ZNF275: variants seen among roughly 807,000 people sequenced by gnomAD.
The protein encoded by ZNF275 is zinc finger protein 275.
In ZNF275, 4 loss-of-function variants were observed where a neutral mutation model predicts 4.3. The observed-to-expected ratio is 0.93, with a 90% confidence interval of 0.46 to 2.13. The LOEUF (loss-of-function observed/expected upper bound fraction) is 2.13, where lower values mean the gene tolerates loss of function less well. ZNF275 is among the 30% of genes most tolerant of loss of function. The pLI is 0.02. For missense variants in ZNF275, 352 were observed against 397.1 expected (o/e 0.89, Z 0.97); for synonymous variants, 173 against 166.9 (o/e 1.04, Z -0.28).
intron 2 of ZNF275, among the ~76,000 whole-genome samples, chrX:153,343,739 C>T (rs782568440): frequency 2.7e-5 from 3 of 111,393 alleles, no homozygotes; most frequent in Non-Finnish European, 5.7e-5. Flanking sequence ...TGGAAAGGGT[C>T]TCTCATTTCC....
chrX:153,347,139 G>A lies in ZNF275; in HGVS notation c.454G>A (p.Val152Ile), dbSNP rs782395664. The change falls in exon 4 of 4, where the codon GTA becomes ATA. Residue 152 changes from valine to isoleucine, a missense_variant. By Grantham distance (29) the Val-to-Ile change is conservative (BLOSUM62 3). Coordinates refer to ENST00000650114, the MANE Select transcript of ZNF275 (RefSeq NM_001367757.1). ...AEFNEHRKSH[V>I]AAEPQPGPSR... ...GTTTAATGAGCACAGGAAAAGCCAC[G>A]TAGCTGCGGAGCCCCAGCCCGGCCC... is the stretch of plus-strand genomic sequence containing the variant. The A allele has an allele frequency of 2.4e-5, 29 of 1,208,291 alleles. No individual in the cohort carries two copies. The South Asian group carries it at 3.9e-4, about 16-fold the overall frequency.
intron 2 of ZNF275, 109 bp from the exon 3 acceptor site, chrX:153,345,411 T>G: frequency 1.9e-6 from 1 of 532,602 alleles, no homozygotes; most frequent in Non-Finnish European, 3.1e-6. Context: ...TAAAGCCTGG[T>G]CTTTGAAGAT....
At chrX:153,346,385 A>G (rs1453709123) in intron 3 of ZNF275, among the ~76,000 whole-genome samples, 24 of 79,464 alleles carry the variant, frequency 3.0e-4, no homozygotes, top group African/African-American at 5.5e-4. Context: ...GAGCTCTTGG[A>G]GTTACAGTTA....
At chrX:153,334,681 C>A (rs908007021) in intron 1 of ZNF275, among the ~76,000 whole-genome samples, 18 of 109,241 alleles carry the variant, frequency 1.6e-4, no homozygotes, top group Non-Finnish European at 3.3e-4. Flanking sequence ...CGCTCAGGGG[C>A]GGAGAGAAAG....
rs1556962060 is a variant in ZNF275 at position 153,349,291 on chromosome X, C to CTGTCAT, written c.*1329_*1334dup. Reference sequence around the variant, plus strand: ...GTACACACTCAGTGAAGGCCATCTGCTGTCATTGTCATTGTCATAGTTATT... The same window carrying CTGTCAT: ...GTACACACTCAGTGAAGGCCATCTGCTGTCATTGTCATTGTCATTGTCATAGTTATT... On this transcript the variant is annotated 3_prime_UTR_variant, in exon 4 of 4. Coordinates refer to ENST00000650114, the MANE Select transcript of ZNF275 (RefSeq NM_001367757.1). 1 of 124,163 alleles carries CTGTCAT rather than the reference C, an allele frequency of 8.1e-6. No individual in the cohort carries two copies. The allele number at this position is 124,163 out of a possible 1,213,427, so 10.2% of individuals were successfully genotyped here. A position where few individuals can be genotyped will look rare whatever the true frequency, so the allele number is the denominator to read the frequency against.
rs368716521 is a variant in ZNF275 at position 153,347,919 on chromosome X, C to T, written c.1234C>T (p.Arg412Cys). 40 of 1,169,184 alleles carry T rather than the reference C, an allele frequency of 3.4e-5. No homozygotes were observed. The highest frequency in any genetic ancestry group is 4.5e-5 in the Non-Finnish European group (39 of 872,885). The stretch of plus-strand genomic sequence containing the variant: ...GCGCTGCGAATGCAGCCAGTGTGGC[C>T]GCGTGTTCAAGAGGCGCTCGGCACT... ...ARRCECSQCG[R>C]VFKRRSALQK... The change falls in exon 4 of 4, where the codon CGC (arginine) becomes TGC (cysteine). Residue 412 changes from arginine to cysteine, a missense_variant. Physicochemically the swap from Arg to Cys is radical, Grantham distance 180 (BLOSUM62 -3). Transcript: ENST00000650114.
Position 153,346,943 on chromosome X carries a change from C to G in ZNF275, c.258C>G (p.Asp86Glu), listed in dbSNP as rs782302396. The G allele has an allele frequency of 4.1e-6, 5 of 1,211,409 alleles. No individual in the cohort carries two copies. In the South Asian group the frequency reaches 8.8e-5, roughly 21 times the overall value. Residue 86 changes from aspartate (D) to glutamate (E), a missense_variant, in exon 4 of 4, where the codon GAC (aspartate) becomes GAG (glutamate). Asp to Glu is a conservative substitution (Grantham distance 45, BLOSUM62 2). Transcript: ENST00000650114. ...AATTCAGACAGCACGGGGACTCTGA[C>G]GGGAAGAGAGGGAGCCCACAGAATC... ...SPEFRQHGDS[D>E]GKRGSPQNLP...
chrX:153,341,639 GA>G (rs1556961061), intron 2 of ZNF275, among the ~76,000 whole-genome samples: 1 of 111,617 alleles, frequency 9.0e-6, no homozygotes, highest in African/African-American at 3.3e-5. Context: ...TGCTGGTGAT[GA>G]ATTCTCTTAG....
chrX:153,348,102 C>T lies in ZNF275; in HGVS notation c.*127C>T. ...AAAAGGTTGAGACCGATTTATACTG[C>T]CACCAGCAATTTATAAGTGTTACGT... On this transcript the variant is annotated 3_prime_UTR_variant, in exon 4 of 4. Coordinates refer to ENST00000650114, the MANE Select transcript of ZNF275 (RefSeq NM_001367757.1). 1.6e-6 allele frequency: 1 copy of T among 638,480 alleles called. No homozygotes were observed. The allele number at this position is 638,480 out of a possible 1,213,427, so 52.6% of individuals were successfully genotyped here. A position where few individuals can be genotyped will look rare whatever the true frequency, so the allele number is the denominator to read the frequency against.
chrX:153,347,347 A>G lies in ZNF275; in HGVS notation c.662A>G (p.Asn221Ser), dbSNP rs1556961731. The G allele has an allele frequency of 1.4e-5, 17 of 1,212,117 alleles. No homozygotes were observed. Among genetic ancestry groups the G allele is most frequent in the Non-Finnish European group, 1.6e-5 (14 of 895,494 alleles). Residue 221 changes from asparagine to serine, a missense_variant, in exon 4 of 4, where the codon AAC (asparagine) becomes AGC (serine). Physicochemically the swap from Asn to Ser is conservative, Grantham distance 46. Transcript: ENST00000650114. ...GAATGCGGGCGGTCGTTCAAAGTCA[A>G]CACCCACCTCTTCCGACATCAGAAA... is the stretch of plus-strand genomic sequence containing the variant. ...CEECGRSFKV[N>S]THLFRHQKLH...
chrX:153,344,700 G>A (rs1046452585), intron 2 of ZNF275: 16 of 374,207 alleles, frequency 4.3e-5, no homozygotes, highest in African/African-American at 2.3e-4. Flanking sequence ...ATGTGGCATG[G>A]TACCTCACCA....
intron 2 of ZNF275, among the ~76,000 whole-genome samples, chrX:153,342,603 A>T (rs2088485983): frequency 8.9e-6 from 1 of 111,856 alleles, no homozygotes; most frequent in Non-Finnish European, 1.9e-5. Flanking sequence ...TGGCTCTAGG[A>T]ATAGATCAGC....
chrX:153,345,063 G>T lies in ZNF275; in HGVS notation c.32-457G>T. On this transcript the variant is annotated intron_variant, in intron 2 of 3. Transcript: ENST00000650114. Reference sequence around the variant, plus strand: ...AATTATGCAAATTGCATGGCCATTTGGTTTGAGTTTATTTGTGAGAAAGGT... The same window carrying T: ...AATTATGCAAATTGCATGGCCATTTTGTTTGAGTTTATTTGTGAGAAAGGT... The T allele has an allele frequency of 2.0e-5, 4 of 201,294 alleles. No individual in the cohort carries two copies. The South Asian group carries it at 2.9e-4, about 15-fold the overall frequency. The allele number at this position is 201,294 out of a possible 1,213,427, so 16.6% of individuals were successfully genotyped here. A position where few individuals can be genotyped will look rare whatever the true frequency, so the allele number is the denominator to read the frequency against.
At chrX:153,334,540 G>T (rs1286677515) in intron 1 of ZNF275, among the ~76,000 whole-genome samples, 2 of 111,378 alleles carry the variant, frequency 1.8e-5, no homozygotes, top group South Asian at 3.8e-4. Context: ...AGCAGGGAAC[G>T]GGTCCCGGAT....
intron 2 of ZNF275, among the ~76,000 whole-genome samples, chrX:153,341,194 T>C (rs1247922933): frequency 8.9e-6 from 1 of 112,765 alleles, no homozygotes; most frequent in Non-Finnish European, 1.9e-5. Flanking sequence ...GTTTAGTCCA[T>C]TTACACTTAC....
In ZNF275 at chrX:153,352,800, G is replaced by C. The variant is rs1204280220; in HGVS notation, c.*4825G>C. On this transcript the variant is annotated 3_prime_UTR_variant, in exon 4 of 4. Coordinates refer to ENST00000650114, the MANE Select transcript of ZNF275 (RefSeq NM_001367757.1). ...ACTTGGCTTCACCCCCTCCTCCTCA[G>C]CCCTCCCCCACCCATTAAATTGTGA... 1 of 110,498 alleles carries C rather than the reference G, an allele frequency of 9.0e-6. No homozygotes were observed. Among genetic ancestry groups the C allele is most frequent in the Non-Finnish European group, 1.9e-5 (1 of 52,855 alleles). 9.1% of individuals were successfully genotyped at this position (110,498 alleles called of 1,213,427 possible).
chrX:153,341,456 GATTA>G (rs1242276531), intron 2 of ZNF275, among the ~76,000 whole-genome samples: 2 of 112,325 alleles, frequency 1.8e-5, no homozygotes, highest in Non-Finnish European at 3.8e-5. Flanking sequence ...TGCTTTAAAT[GATTA>G]ATTGTTTTTT....
chrX:153,340,706 A>T (rs920240193), intron 2 of ZNF275, among the ~76,000 whole-genome samples: 2 of 112,347 alleles, frequency 1.8e-5, no homozygotes, highest in Non-Finnish European at 3.8e-5. Flanking sequence ...CACATTAGAG[A>T]TGTGCTTATT....
rs781958766 is a variant in ZNF275 at position 153,347,255 on chromosome X, TAAG to T, written c.576_578del (p.Lys192del). Reference sequence around the variant, plus strand: ...AGTGCGAGGAGTGCGGAAAACGGTTTAAGAAGAATGCAGGCCTGAGTCAGCATC... The same window carrying T: ...AGTGCGAGGAGTGCGGAAAACGGTTTAAGAATGCAGGCCTGAGTCAGCATC... On this transcript the variant is annotated inframe_deletion, in exon 4 of 4. Coordinates refer to ENST00000650114, the MANE Select transcript of ZNF275 (RefSeq NM_001367757.1). 8.3e-7 allele frequency: 1 copy of T among 1,209,487 alleles called. No individual in the cohort carries two copies. Among genetic ancestry groups the T allele is most frequent in the Non-Finnish European group, 1.1e-6 (1 of 894,924 alleles).
Sources: allele counts gnomAD v4.1 joint callset (sites outside exome capture counted in the v4.1 genomes callset), GRCh38; gene constraint gnomAD v4.1.1; transcripts MANE v1.5; gene names NCBI Gene and HGNC (gene_info 2026-07-23, HGNC 2026-07-21).